The following OPCML variants were observed in gnomAD, a reference collection of about 807,000 sequenced individuals.
OPCML encodes the protein opioid-binding protein/cell adhesion molecule.
Under a neutral mutation model 37.8 loss-of-function variants are expected in OPCML, and 13 were observed. The observed-to-expected ratio is 0.34, with a 90% CI of 0.22 to 0.55. OPCML has a LOEUF of 0.55. OPCML is among the 20% of genes least tolerant of loss of function. The pLI is 0.91. For synonymous variants in OPCML, 176 were observed against 168.8 expected (o/e 1.04, Z -0.33); for missense variants, 341 against 435.6 (o/e 0.78, Z 1.93).
rs923651214 is a variant in OPCML, at chr11:132,746,297, T to A, written c.147-88978A>T. 7.9e-5 allele frequency among the ~76,000 whole-genome samples: 12 copies of A among 152,044 alleles called. No homozygotes were observed. In the South Asian group the frequency reaches 2.5e-3, roughly 31 times the overall value. ...TCTGGTTATTTTTGTTTTTATTTTG[T>A]TTGTTTGTTTGTTGTTTGTTTTAAC... is the stretch of plus-strand genomic sequence containing the variant. On this transcript the variant is annotated intron_variant, in intron 2 of 7. Coordinates refer to ENST00000524381, the MANE Select transcript of OPCML (RefSeq NM_001012393.5).
At position 133,532,340 on chromosome 11, in the gene OPCML, C is replaced by G; in HGVS notation, c.-16G>C. 6.2e-7 allele frequency: 1 copy of G among 1,612,076 alleles called. No homozygotes were observed. Among genetic ancestry groups the G allele is most frequent in the South Asian group, 1.1e-5 (1 of 90,572 alleles). ...GATGGTACATCTCGACGCTGCGGTG[C>G]TCTCAGCTGCCGGGCTTGCTACTGC... is the stretch of plus-strand genomic sequence containing the variant. On this transcript the variant is annotated 5_prime_UTR_variant, in exon 1 of 8. Coordinates refer to ENST00000524381, the MANE Select transcript of OPCML (RefSeq NM_001012393.5).
At chr11:132,472,412 C>G (rs1592226269) in intron 4 of OPCML, among the ~76,000 whole-genome samples, 2 of 152,308 alleles carry the variant, frequency 1.3e-5, no homozygotes, top group East Asian at 3.9e-4. Context: ...TTATCCATCC[C>G]TGTAAAAGCC....
chr11:133,220,141 G>T (rs1173047629), intron 1 of OPCML, among the ~76,000 whole-genome samples: 1 of 152,178 alleles, frequency 6.6e-6, no homozygotes, highest in African/African-American at 2.4e-5. Flanking sequence ...CACTGGCAGT[G>T]GAGGTTGGTA....
intron 1 of OPCML, among the ~76,000 whole-genome samples, chr11:133,223,542 G>A (rs1000883650): frequency 6.6e-6 from 1 of 152,168 alleles, no homozygotes; most frequent in Non-Finnish European, 1.5e-5. Context: ...GGGGACGGGG[G>A]TCAGAGGCAA....
At chr11:132,723,923 C>G (rs1048615533) in intron 2 of OPCML, among the ~76,000 whole-genome samples, 7 of 152,268 alleles carry the variant, frequency 4.6e-5, no homozygotes, top group African/African-American at 1.7e-4. Context: ...GGTTCCCAGG[C>G]CTTGAGGTGC....
chr11:133,019,220 G>A (rs903460481), intron 1 of OPCML, among the ~76,000 whole-genome samples: 2 of 152,190 alleles, frequency 1.3e-5, no homozygotes, highest in Non-Finnish European at 2.9e-5. Context: ...GCAAGACAGT[G>A]ACATAAAGCT....
At chr11:132,738,085 G>A (rs1945317750) in intron 2 of OPCML, among the ~76,000 whole-genome samples, 1 of 152,274 alleles carries the variant, frequency 6.6e-6, no homozygotes, top group Middle Eastern at 3.4e-3. Flanking sequence ...CTAAGAGGTA[G>A]GGAGCATGCA....
chr11:132,516,910 C>G (rs2096281233), intron 4 of OPCML, among the ~76,000 whole-genome samples: 1 of 152,180 alleles, frequency 6.6e-6, no homozygotes, highest in African/African-American at 2.4e-5. Context: ...CGAACCTCTT[C>G]TGCTGCCCAC....
intron 2 of OPCML, among the ~76,000 whole-genome samples, chr11:132,666,872 C>T (rs573571149): frequency 6.6e-6 from 1 of 152,122 alleles, no homozygotes; most frequent in Non-Finnish European, 1.5e-5. Context: ...TAACTATAGG[C>T]CTGTATTTTA....
chr11:132,807,674 G>A (rs1420070238), intron 2 of OPCML, among the ~76,000 whole-genome samples: 1 of 152,122 alleles, frequency 6.6e-6, no homozygotes, highest in Non-Finnish European at 1.5e-5. Flanking sequence ...ATGCCTGAAG[G>A]GAAATCAAGG....
intron 2 of OPCML, among the ~76,000 whole-genome samples, chr11:132,788,716 T>G (rs1013407231): frequency 2.0e-5 from 3 of 152,206 alleles, no homozygotes; most frequent in Non-Finnish European, 4.4e-5. Context: ...ATCATCTCAG[T>G]TCTTTGAAAT....
rs145218531 is a variant in OPCML, at chr11:132,491,453, G to A, written c.505+37608C>T. Among the ~76,000 whole-genome samples the A allele has an allele frequency of 2.0e-3, 303 of 152,290 alleles. 1 individual carries two copies. The highest frequency in any genetic ancestry group is 6.7e-3 in the African/African-American group (278 of 41,548). On this transcript the variant is annotated intron_variant, in intron 4 of 7. Transcript: ENST00000524381. ...TCAGACAGTGTGGATTCCCTCGGCT[G>A]GACAGCCTGCCTTCAGATACCTACT... is the stretch of plus-strand genomic sequence containing the variant.
Position 132,752,081 on chromosome 11 carries a change from A to G in OPCML, c.147-94762T>C, listed in dbSNP as rs142864713. On this transcript the variant is annotated intron_variant, in intron 2 of 7. Coordinates refer to ENST00000524381, the MANE Select transcript of OPCML (RefSeq NM_001012393.5). ...AGACAGGATGTTGGCAACAAACAAGATGCTAAATAGTTGAACCAAAGGACC... is the reference window on the plus strand; with the variant it reads ...AGACAGGATGTTGGCAACAAACAAGGTGCTAAATAGTTGAACCAAAGGACC... Among the ~76,000 whole-genome samples, 322 of 152,238 alleles carry G rather than the reference A, an allele frequency of 2.1e-3. 2 individuals are homozygous for G. The highest frequency in any genetic ancestry group is 7.4e-3 in the African/African-American group (307 of 41,544).
intron 1 of OPCML, among the ~76,000 whole-genome samples, chr11:133,119,451 A>G (rs1565457023): frequency 6.6e-6 from 1 of 152,118 alleles, no homozygotes; most frequent in Non-Finnish European, 1.5e-5. Flanking sequence ...TAGGAATGCA[A>G]CCATCTACCC....
At chr11:132,676,789 G>GAA (rs1196087295) in intron 2 of OPCML, among the ~76,000 whole-genome samples, 2 of 93,820 alleles carry the variant, frequency 2.1e-5, no homozygotes, top group Non-Finnish European at 4.9e-5. Context: ...AAACAAACAA[G>GAA]AAAAAAAAAA....
intron 3 of OPCML, among the ~76,000 whole-genome samples, chr11:132,559,124 G>T (rs937252559): frequency 6.6e-6 from 1 of 151,844 alleles, no homozygotes; most frequent in African/African-American, 2.4e-5. Context: ...AGAGAAAAAG[G>T]ACAAAGAAGA....
chr11:133,272,358 TCAGA>T (rs1941868412), intron 1 of OPCML, among the ~76,000 whole-genome samples: 1 of 152,050 alleles, frequency 6.6e-6, no homozygotes, highest in South Asian at 2.1e-4. Flanking sequence ...TTATTTATTA[TCAGA>T]CAGTGCTGTA....
At chr11:132,495,665 G>T (rs535950091) in intron 4 of OPCML, among the ~76,000 whole-genome samples, 1 of 152,156 alleles carries the variant, frequency 6.6e-6, no homozygotes, top group Non-Finnish European at 1.5e-5. Context: ...GCCGAGGCAG[G>T]CAGATCACGA....
At chr11:132,833,983 G>A (rs36126240) in intron 2 of OPCML, among the ~76,000 whole-genome samples, 10,202 of 152,296 alleles carry the variant, frequency 0.067, 394 homozygotes, top group Non-Finnish European at 0.076. Flanking sequence ...ACAAAAAAGA[G>A]ATGCTAACTC....
Sources: gnomAD v4.1 joint callset for allele counts (sites outside exome capture counted in the v4.1 genomes callset) on GRCh38, gnomAD v4.1.1 for gene constraint, MANE v1.5 for transcripts, NCBI Gene and HGNC (gene_info 2026-07-23, HGNC 2026-07-21) for gene names.